Variants in SNTG1 observed in about 807,000 individuals in gnomAD.
SNTG1 encodes the protein syntrophin gamma 1, also known as gamma-1-syntrophin.
A neutral mutation model predicts 74.7 loss-of-function variants in SNTG1; 39 were observed. The observed-to-expected ratio is 0.52, with a 90% CI of 0.40 to 0.68. The LOEUF (loss-of-function observed/expected upper bound fraction) is 0.68, where lower values mean the gene tolerates loss of function less well. SNTG1 is among the 30% of genes least tolerant of loss of function. The probability of loss-of-function intolerance (pLI) is 0.00; values close to 1 mark genes in which losing one functional copy is unlikely to be tolerated. For synonymous variants in SNTG1, 254 were observed against 217.1 expected (o/e 1.17, Z -1.49); for missense variants, 685 against 609.5 (o/e 1.12, Z -1.30).
intron 17 of SNTG1, among the ~76,000 whole-genome samples, chr8:50,737,777 T>A (rs1485007077): frequency 6.6e-6 from 1 of 152,050 alleles, no homozygotes; most frequent in Non-Finnish European, 1.5e-5. Flanking sequence ...ATAAACGTAA[T>A]CCATCATATA....
At position 50,097,369 on chromosome 8, in the gene SNTG1, TA is replaced by T. The variant is rs34441640; in HGVS notation, c.-102-75184del. ...TAATAGTTTTAAACAAATGTAGCTTTAAAAAAAATTAAAATGAAATTATTTC... is the reference window on the plus strand; with the variant it reads ...TAATAGTTTTAAACAAATGTAGCTTTAAAAAAATTAAAATGAAATTATTTC... On this transcript the variant is annotated intron_variant, in intron 1 of 18. Transcript: ENST00000642720. Among the ~76,000 whole-genome samples the T allele has an allele frequency of 3.9e-4, 60 of 152,198 alleles. No individual in the cohort carries two copies. In the South Asian group the frequency reaches 5.4e-3, roughly 14 times the overall value.
intron 15 of SNTG1, among the ~76,000 whole-genome samples, chr8:50,680,802 T>C (rs1209526696): frequency 3.3e-5 from 5 of 152,072 alleles, no homozygotes; most frequent in Non-Finnish European, 7.4e-5. Context: ...GATCCAGGTA[T>C]GTGCTCGCAG....
At chr8:49,972,812 A>G (rs568711532) in intron 1 of SNTG1, among the ~76,000 whole-genome samples, 3 of 152,210 alleles carry the variant, frequency 2.0e-5, no homozygotes, top group Non-Finnish European at 4.4e-5. Context: ...AACCACAATG[A>G]GATATCATCT....
intron 2 of SNTG1, among the ~76,000 whole-genome samples, chr8:50,207,117 A>G (rs944386498): frequency 6.6e-6 from 1 of 151,998 alleles, no homozygotes; most frequent in South Asian, 2.1e-4. Flanking sequence ...TTTTCTATTG[A>G]TTGGATTAGT....
intron 8 of SNTG1, among the ~76,000 whole-genome samples, chr8:50,473,069 C>T (rs1430099457): frequency 6.6e-6 from 1 of 152,132 alleles, no homozygotes; most frequent in Non-Finnish European, 1.5e-5. Context: ...GGCTTTGTGT[C>T]CCCAACCTAA....
At chr8:50,307,846 G>C (rs2089962995) in intron 2 of SNTG1, among the ~76,000 whole-genome samples, 1 of 152,004 alleles carries the variant, frequency 6.6e-6, no homozygotes, top group South Asian at 2.1e-4. Flanking sequence ...GTTACAAAAG[G>C]CTTGTTTTTC....
chr8:50,415,261 T>C (rs1048343156), intron 4 of SNTG1, among the ~76,000 whole-genome samples: 3 of 152,148 alleles, frequency 2.0e-5, no homozygotes, highest in Non-Finnish European at 4.4e-5. Flanking sequence ...GACTACAGTC[T>C]TATGAAGTTT....
intron 1 of SNTG1, among the ~76,000 whole-genome samples, chr8:49,979,214 G>T (rs1207371055): frequency 6.6e-6 from 1 of 152,218 alleles, no homozygotes; most frequent in Non-Finnish European, 1.5e-5. Context: ...AGACGCCTTT[G>T]GGGCGGTGCA....
chr8:49,999,118 A>T (rs1814514002), intron 1 of SNTG1, among the ~76,000 whole-genome samples: 1 of 152,306 alleles, frequency 6.6e-6, no homozygotes, highest in East Asian at 1.9e-4. Context: ...TCATTGTGGG[A>T]TGCATGACTG....
intron 2 of SNTG1, among the ~76,000 whole-genome samples, chr8:50,213,805 G>C (rs2084640517): frequency 6.6e-6 from 1 of 151,816 alleles, no homozygotes; most frequent in Non-Finnish European, 1.5e-5. Context: ...ATTTGTTTGA[G>C]TTCATTGTAG....
chr8:50,117,316 A>G (rs1025703872), intron 1 of SNTG1, among the ~76,000 whole-genome samples: 2 of 152,120 alleles, frequency 1.3e-5, no homozygotes, highest in Non-Finnish European at 2.9e-5. Context: ...AGAGTCCAGC[A>G]TATCAAAAAA....
At chr8:50,575,767 G>T (rs953210019) in intron 12 of SNTG1, 2 of 151,984 alleles carry the variant, frequency 1.3e-5, no homozygotes, top group African/African-American at 4.8e-5. Context: ...AACATGTACT[G>T]GTCTTTCAAA....
intron 1 of SNTG1, among the ~76,000 whole-genome samples, chr8:49,991,206 T>G (rs1239927924): frequency 1.3e-5 from 2 of 152,174 alleles, no homozygotes; most frequent in African/African-American, 4.8e-5. Flanking sequence ...AACATCTTTT[T>G]ACCTGCCAGT....
intron 10 of SNTG1, among the ~76,000 whole-genome samples, chr8:50,530,997 T>A (rs2094262349): frequency 6.6e-6 from 1 of 152,192 alleles, no homozygotes; most frequent in South Asian, 2.1e-4. Flanking sequence ...TTAAGCAGAA[T>A]TTTATTGTTC....
At position 50,122,339 on chromosome 8, in the gene SNTG1, G is replaced by T. The variant is rs556759766; in HGVS notation, c.-102-50222G>T. Among the ~76,000 whole-genome samples, 5 of 142,044 alleles carry T rather than the reference G, an allele frequency of 3.5e-5. No homozygotes were observed. The East Asian group carries it at 1.0e-3, about 29-fold the overall frequency. 93.2% of individuals were successfully genotyped at this position (142,044 alleles called of 152,430 possible). ...TCACTTTTCTTATGCACTTGGAGAG[G>T]GGATGCAGCTGGGAGAAGTAGTGAA... On this transcript the variant is annotated intron_variant, in intron 1 of 18. Transcript: ENST00000642720.
chr8:50,634,532 T>C (rs959587185), intron 13 of SNTG1, among the ~76,000 whole-genome samples: 19 of 152,204 alleles, frequency 1.2e-4, no homozygotes, highest in African/African-American at 4.6e-4. Flanking sequence ...TTCTAAGAAA[T>C]AATGAAGAGA....
intron 8 of SNTG1, among the ~76,000 whole-genome samples, chr8:50,456,701 G>A (rs2093509352): frequency 6.6e-6 from 1 of 152,098 alleles, no homozygotes; most frequent in African/African-American, 2.4e-5. Flanking sequence ...AAAATTTAGA[G>A]GGACACAAAC....
chr8:50,297,778 A>G (rs980071708), intron 2 of SNTG1, among the ~76,000 whole-genome samples: 7 of 152,102 alleles, frequency 4.6e-5, no homozygotes, highest in African/African-American at 1.7e-4. Flanking sequence ...TACTGCAGGT[A>G]TCTGAAACCA....
At position 50,137,091 on chromosome 8, in the gene SNTG1, G is replaced by T. The variant is rs190592292; in HGVS notation, c.-102-35470G>T. On this transcript the variant is annotated intron_variant, in intron 1 of 18. Transcript: ENST00000642720. The stretch of plus-strand genomic sequence containing the variant: ...GAATGACTTCATTTTCAGCAGAGTA[G>T]TTGCCACAAAGACACTCTAAGAAAT... Among the ~76,000 whole-genome samples the T allele has an allele frequency of 7.2e-5, 11 of 152,248 alleles. No individual in the cohort carries two copies. In the East Asian group the frequency reaches 1.9e-3, roughly 27 times the overall value.
Sources: allele counts gnomAD v4.1 joint callset (sites outside exome capture counted in the v4.1 genomes callset), GRCh38; gene constraint gnomAD v4.1.1; transcripts MANE v1.5; gene names NCBI Gene and HGNC (gene_info 2026-07-23, HGNC 2026-07-21).